The following DSG2 variants were observed in gnomAD, a reference collection of about 807,000 sequenced individuals.
DSG2 encodes desmoglein-2.
Under a neutral mutation model 75.6 loss-of-function variants are expected in DSG2, and 45 were observed. That is an observed-to-expected ratio of 0.60 (90% CI 0.47 to 0.76). The LOEUF (loss-of-function observed/expected upper bound fraction) is 0.76, where lower values mean the gene tolerates loss of function less well. Among genes scored for constraint, DSG2 ranks in the 30% least tolerant of loss-of-function variants. The pLI is 0.00. For synonymous variants in DSG2, 429 were observed against 483.9 expected, an observed-to-expected ratio of 0.89 and a Z score of 1.49; for missense variants, 1,267 against 1,357.4, an observed-to-expected ratio of 0.93 and a Z score of 1.05.
intron 1 of DSG2, among the ~76,000 whole-genome samples, chr18:31,516,341 CCTCTT>C (rs1208466177): frequency 2.6e-5 from 4 of 152,066 alleles, no homozygotes; most frequent in African/African-American, 9.7e-5. Context: ...AGTCAGGACA[CCTCTT>C]CTGTGGGGAA....
chr18:31,505,900 G>A (rs934778824), intron 1 of DSG2, among the ~76,000 whole-genome samples: 9 of 152,064 alleles, frequency 5.9e-5, no homozygotes, highest in African/African-American at 1.4e-4. Context: ...GACCTGGCCC[G>A]CCTCAGCCTC....
intron 1 of DSG2, among the ~76,000 whole-genome samples, chr18:31,498,560 A>G (rs1434409086): frequency 6.6e-6 from 1 of 151,994 alleles, no homozygotes; most frequent in African/African-American, 2.4e-5. Flanking sequence ...CCCAGGCCCC[A>G]GCGCCCTTTT....
In DSG2 at chr18:31,522,194, A is replaced by C; in HGVS notation, c.635A>C (p.Tyr212Ser). 3 of 1,613,900 alleles carry C rather than the reference A, an allele frequency of 1.9e-6. No individual in the cohort carries two copies. Among genetic ancestry groups the C allele is most frequent in the Non-Finnish European group, 2.5e-6 (3 of 1,179,838 alleles). Residue 212 changes from tyrosine to serine, a missense_variant, in exon 6 of 15, where the codon TAC becomes TCC. Coordinates refer to ENST00000261590, the MANE Select transcript of DSG2 (RefSeq NM_001943.5). The stretch of plus-strand genomic sequence containing the variant: ...GAGCCTGCTTATCCTCCAGTGTTCT[A>C]CCTAAATAAAGATACAGGAGAGATT... ...SLEPAYPPVF[Y>S]LNKDTGEIYT...
intron 1 of DSG2, among the ~76,000 whole-genome samples, chr18:31,515,997 A>G (rs2073092162): frequency 6.6e-6 from 1 of 152,256 alleles, no homozygotes; most frequent in Non-Finnish European, 1.5e-5. Context: ...AAGCTACACC[A>G]AAGACAGAGT....
At chr18:31,544,246 G>A (rs1414737758) in intron 14 of DSG2, among the ~76,000 whole-genome samples, 1 of 151,642 alleles carries the variant, frequency 6.6e-6, no homozygotes, top group African/African-American at 2.4e-5. Context: ...CTGTATTCTA[G>A]AACATTAAAT....
At chr18:31,498,669 A>G (rs923435593) in intron 1 of DSG2, among the ~76,000 whole-genome samples, 6 of 152,138 alleles carry the variant, frequency 3.9e-5, no homozygotes, top group East Asian at 1.9e-4. Context: ...CGTGGAGGCA[A>G]TAGGGAACAA....
intron 8 of DSG2, among the ~76,000 whole-genome samples, chr18:31,530,721 AAT>A (rs976559570): frequency 1.3e-5 from 2 of 151,640 alleles, no homozygotes; most frequent in East Asian, 3.9e-4. Flanking sequence ...GCCTGAACAA[AAT>A]ATATATATAT....
At chr18:31,535,775 AAAAAAC>A (rs1418443172) in intron 10 of DSG2, among the ~76,000 whole-genome samples, 1 of 151,978 alleles carries the variant, frequency 6.6e-6, no homozygotes, top group Non-Finnish European at 1.5e-5. Flanking sequence ...CTCAAAAAAA[AAAAAAC>A]AAAAACAAAA....
intron 1 of DSG2, 82 bp downstream of exon 1, chr18:31,498,378 C>G: frequency 8.1e-7 from 1 of 1,228,780 alleles, no homozygotes; most frequent in Non-Finnish European, 1.0e-6. Flanking sequence ...ACCAGACTTG[C>G]CCGCCGCCCT....
At chr18:31,533,178 C>T (rs1264430526) in intron 9 of DSG2, among the ~76,000 whole-genome samples, 1 of 152,246 alleles carries the variant, frequency 6.6e-6, no homozygotes, top group Non-Finnish European at 1.5e-5. Context: ...TTTTGAAACA[C>T]TGATAAGGGG....
Position 31,548,286 on chromosome 18 carries a change from A to C in DSG2, c.*1543A>C, listed in dbSNP as rs927746608. ...TGTTTCAAAATATATGTGCATTATC[A>C]GTAATAATTTGTATAAATATTTCCC... On this transcript the variant is annotated 3_prime_UTR_variant, in exon 15 of 15. Transcript: ENST00000261590. 1.2e-4 allele frequency: 18 copies of C among 152,232 alleles called. No individual in the cohort carries two copies. Among genetic ancestry groups the C allele is most frequent in the African/African-American group, 4.3e-4 (18 of 41,472 alleles). 9.4% of individuals were successfully genotyped at this position (152,232 alleles called of 1,614,324 possible).
At chr18:31,522,030 TA>T in intron 5 of DSG2, 52 bp from the exon 6 acceptor site, 1 of 1,535,622 alleles carries the variant, frequency 6.5e-7, no homozygotes, top group Non-Finnish European at 9.0e-7. Context: ...AAATAACAGG[TA>T]AATATGCTTA....
rs1568104825 is a variant in DSG2 at position 31,519,881 on chromosome 18, G to GC, written c.165dup (p.Val56ArgfsTer21). ...GCGGCAAAAGCGCGCCTGGATCACC[G>GC]CCCCCGTGGCTCTTCGGGAGGGAGA... On this transcript the variant is annotated frameshift_variant, in exon 3 of 15. Transcript: ENST00000261590. LOFTEE classifies it high-confidence loss of function. The GC allele has an allele frequency of 6.2e-7, 1 of 1,614,080 alleles. No homozygotes were observed. The highest frequency in any genetic ancestry group is 8.5e-7 in the Non-Finnish European group (1 of 1,180,014).
In DSG2 at chr18:31,546,821, A is replaced by T. The variant is rs1230040320; in HGVS notation, c.*78A>T. ...ATGTTTCCAATGTACCTGATTTTTC[A>T]TGAGCCTTACAGACACACAGAGACA... On this transcript the variant is annotated 3_prime_UTR_variant, in exon 15 of 15. Coordinates refer to ENST00000261590, the MANE Select transcript of DSG2 (RefSeq NM_001943.5). 6.6e-7 allele frequency: 1 copy of T among 1,504,688 alleles called. No homozygotes were observed. The allele number at this position is 1,504,688 out of a possible 1,614,324, so 93.2% of individuals were successfully genotyped here.
rs565904909 is a variant in DSG2, at chr18:31,546,365, G to A, written c.2979G>A (p.Gln993=). 2 of 1,613,980 alleles carry A rather than the reference G, an allele frequency of 1.2e-6. No homozygotes were observed. The highest frequency in any genetic ancestry group is 2.7e-5 in the African/African-American group (2 of 75,036). The part of the protein sequence containing the change: ...GTVVVTERVI[Q]PHGGGSNPLE... ...TTGTGGTCACTGAAAGAGTAATACAGCCTCATGGGGGTGGATCGAATCCTC... is the reference window on the plus strand; with the variant it reads ...TTGTGGTCACTGAAAGAGTAATACAACCTCATGGGGGTGGATCGAATCCTC... Residue 993 remains glutamine, a synonymous_variant, in exon 15 of 15, where the codon CAG becomes CAA. Transcript: ENST00000261590.
In DSG2 at chr18:31,547,880, C is replaced by T. The variant is rs1192905931; in HGVS notation, c.*1137C>T. 2.0e-5 allele frequency: 3 copies of T among 152,236 alleles called. No individual in the cohort carries two copies. The highest frequency in any genetic ancestry group is 2.9e-5 in the Non-Finnish European group (2 of 68,020). The allele number at this position is 152,236 out of a possible 1,614,324, so 9.4% of individuals were successfully genotyped here. On this transcript the variant is annotated 3_prime_UTR_variant, in exon 15 of 15. Transcript: ENST00000261590. ...TCTAAACAGCTACAATTCAGTGCAGCTACATTAACCAACTATGTTCTCTAG... is the reference window on the plus strand; with the variant it reads ...TCTAAACAGCTACAATTCAGTGCAGTTACATTAACCAACTATGTTCTCTAG...
chr18:31,510,250 T>A (rs1458427814), intron 1 of DSG2, among the ~76,000 whole-genome samples: 1 of 152,252 alleles, frequency 6.6e-6, no homozygotes, highest in Admixed American at 6.5e-5. Flanking sequence ...TAGAAGCCAT[T>A]ATAGTGACTG....
intron 1 of DSG2, among the ~76,000 whole-genome samples, chr18:31,514,291 T>C (rs1029271741): frequency 2.6e-5 from 4 of 152,222 alleles, no homozygotes; most frequent in Non-Finnish European, 5.9e-5. Context: ...TCTAAAACTA[T>C]TCCTAAGTAA....
At chr18:31,537,151 T>G (rs1262792569) in intron 11 of DSG2, among the ~76,000 whole-genome samples, 2 of 90,586 alleles carry the variant, frequency 2.2e-5, no homozygotes, top group African/African-American at 3.1e-5. Flanking sequence ...CAATAGTCAG[T>G]TTTTTTTTTA....
Sources: gnomAD v4.1 joint callset for allele counts (sites outside exome capture counted in the v4.1 genomes callset) on GRCh38, gnomAD v4.1.1 for gene constraint, MANE v1.5 for transcripts, NCBI Gene and HGNC (gene_info 2026-07-23, HGNC 2026-07-21) for gene names.